LPAR4: variants seen among roughly 807,000 people sequenced by gnomAD.
The protein encoded by LPAR4 is G-protein coupled receptor 23.
In LPAR4, 14 loss-of-function variants were observed where a neutral mutation model predicts 9.2. That is an observed-to-expected ratio of 1.51 (90% CI 1.00 to 2.37). The LOEUF (loss-of-function observed/expected upper bound fraction) is 2.37, where lower values mean the gene tolerates loss of function less well. Ranked by LOEUF, LPAR4 falls within the 30% of genes most tolerant of loss-of-function variation. The pLI is 0.00. For missense variants in LPAR4, 251 were observed against 272.1 expected (o/e 0.92, Z 0.55); for synonymous variants, 131 against 97.9 (o/e 1.34, Z -1.99).
At chrX:78,752,079 T>C (rs1393646621) in intron 4 of LPAR4, among the ~76,000 whole-genome samples, 1 of 111,626 alleles carries the variant, frequency 9.0e-6, no homozygotes, top group East Asian at 2.8e-4. Flanking sequence ...ATCAGTTTCC[T>C]GTTTTCCTCA....
chrX:78,754,182 C>T (rs1333041903), intron 4 of LPAR4, among the ~76,000 whole-genome samples: 2 of 111,295 alleles, frequency 1.8e-5, no homozygotes, highest in South Asian at 3.7e-4. Flanking sequence ...TATGATTTGT[C>T]AGTTAAACAT....
chrX:78,751,357 T>A (rs1422672429), intron 4 of LPAR4, 46 bp downstream of exon 4: 1 of 111,462 alleles, frequency 9.0e-6, no homozygotes, highest in African/African-American at 3.3e-5. Context: ...AATAATAACC[T>A]GAAAATGTGT....
chrX:78,748,877 C>T (rs1440547865), intron 1 of LPAR4: 5 of 111,727 alleles, frequency 4.5e-5, no homozygotes, highest in Non-Finnish European at 3.8e-5. Context: ...TACCCAATGG[C>T]TTTGCAACAC....
At chrX:78,752,759 G>T (rs1925125032) in intron 4 of LPAR4, among the ~76,000 whole-genome samples, 2 of 111,355 alleles carry the variant, frequency 1.8e-5, no homozygotes, top group South Asian at 7.5e-4. Context: ...AGGGTACCGG[G>T]CATATTTATG....
intron 4 of LPAR4, 27 bp from the exon 5 acceptor site, chrX:78,754,764 T>C (rs762658276): frequency 5.7e-5 from 37 of 647,597 alleles, no homozygotes; most frequent in Non-Finnish European, 7.7e-5. Context: ...GCAAATTTGA[T>C]TATTTGTTCC....
chrX:78,751,026 G>A (rs1342063847), intron 3 of LPAR4, among the ~76,000 whole-genome samples, 184 bp from the exon 4 acceptor site: 2 of 111,575 alleles, frequency 1.8e-5, no homozygotes, highest in Non-Finnish European at 3.8e-5. Context: ...CTGTAATAAT[G>A]AAATCCAATG....
In LPAR4 at chrX:78,755,054, T is replaced by C. The variant is rs866444563; in HGVS notation, c.185T>C (p.Phe62Ser). Residue 62 changes from phenylalanine (F) to serine (S), a missense_variant, in exon 5 of 5, where the codon TTT becomes TCT. Coordinates refer to ENST00000614823, the MANE Select transcript of LPAR4 (RefSeq NM_001278000.3). ...CTGATAACCAACAGTGTCTCTCTGT[T>C]TGTCTTCTGTTTCCGCATGAAAATG... ...LGLITNSVSL[F>S]VFCFRMKMRS... is the part of the protein sequence containing the mutation. 1.5e-5 allele frequency: 18 copies of C among 1,206,771 alleles called. No individual in the cohort carries two copies. The African/African-American group carries it at 2.4e-4, about 16-fold the overall frequency.
chrX:78,754,786 CATA>C lies in LPAR4; in HGVS notation c.-79-4_-79-2del. ...TGATTATTTGTTCCATCTTGTCTCTCATAGGAGGAAAATATTTCCTACCGGTCC... is the reference window on the plus strand; with the variant it reads ...TGATTATTTGTTCCATCTTGTCTCTCGGAGGAAAATATTTCCTACCGGTCC... On this transcript the variant is annotated splice_acceptor_variant and splice_polypyrimidine_tract_variant and intron_variant, in intron 4 of 4. Coordinates refer to ENST00000614823, the MANE Select transcript of LPAR4 (RefSeq NM_001278000.3). LOFTEE classifies it low-confidence loss of function (5UTR_SPLICE). 2.4e-6 allele frequency: 2 copies of C among 834,306 alleles called. No homozygotes were observed. The highest frequency in any genetic ancestry group is 3.4e-6 in the Non-Finnish European group (2 of 596,859). The allele number at this position is 834,306 out of a possible 1,213,427, so 68.8% of individuals were successfully genotyped here. A position where few individuals can be genotyped will look rare whatever the true frequency, so the allele number is the denominator to read the frequency against.
chrX:78,753,560 T>A (rs1925161790), intron 4 of LPAR4, among the ~76,000 whole-genome samples: 1 of 111,927 alleles, frequency 8.9e-6, no homozygotes, highest in Non-Finnish European at 1.9e-5. Context: ...AACTTCAGTA[T>A]ACCAAAAAAG....
At chrX:78,750,102 A>C (rs1924990396) in intron 1 of LPAR4, 72 bp from the exon 2 acceptor site, 1 of 112,070 alleles carries the variant, frequency 8.9e-6, no homozygotes, top group Non-Finnish European at 1.9e-5. Context: ...AAAGGCATAA[A>C]ATAATGTTAA....
At position 78,755,639 on chromosome X, in the gene LPAR4, T is replaced by C; in HGVS notation, c.770T>C (p.Val257Ala). The change falls in exon 5 of 5, where the codon GTC (valine) becomes GCC (alanine). Residue 257 changes from valine to alanine, a missense_variant. Coordinates refer to ENST00000614823, the MANE Select transcript of LPAR4 (RefSeq NM_001278000.3). ...AAAATGATCACAGTACATATGGCAGTCTTTGTGGTATGCTTTGTACCCTAC... is the reference window on the plus strand; with the variant it reads ...AAAATGATCACAGTACATATGGCAGCCTTTGTGGTATGCTTTGTACCCTAC... ...VLKMITVHMAVFVVCFVPYNS... is the reference protein window; with the variant it reads ...VLKMITVHMAAFVVCFVPYNS... 8.3e-7 allele frequency: 1 copy of C among 1,209,445 alleles called. No homozygotes were observed. The highest frequency in any genetic ancestry group is 1.8e-5 in the South Asian group (1 of 56,892).
At chrX:78,751,625 G>A (rs1157066751) in intron 4 of LPAR4, among the ~76,000 whole-genome samples, 1 of 110,624 alleles carries the variant, frequency 9.0e-6, no homozygotes, top group Non-Finnish European at 1.9e-5. Flanking sequence ...ACATGAATTG[G>A]TGTCCAAATT....
Position 78,756,157 on chromosome X carries a change from C to G in LPAR4, c.*175C>G, listed in dbSNP as rs887366917. 76 of 432,109 alleles carry G rather than the reference C, an allele frequency of 1.8e-4. No individual in the cohort carries two copies. Among genetic ancestry groups the G allele is most frequent in the Non-Finnish European group, 2.6e-4 (64 of 250,078 alleles). 35.6% of individuals were successfully genotyped at this position (432,109 alleles called of 1,213,427 possible). ...GCTGTTTTGTTCAGTAATTATAGGT[C>G]AAATCTAATTACAACAACCAAGATG... is the stretch of plus-strand genomic sequence containing the variant. On this transcript the variant is annotated 3_prime_UTR_variant, in exon 5 of 5. Coordinates refer to ENST00000614823, the MANE Select transcript of LPAR4 (RefSeq NM_001278000.3).
chrX:78,751,959 C>T (rs5912638), intron 4 of LPAR4, among the ~76,000 whole-genome samples: 19,595 of 109,873 alleles, frequency 0.18, 1,453 homozygotes, highest in Middle Eastern at 0.31. Flanking sequence ...ACTGTGTTAT[C>T]AAGTGAAGTG....
Position 78,756,368 on chromosome X carries a change from T to C in LPAR4, c.*386T>C, listed in dbSNP as rs1168238720. 3 of 136,530 alleles carry C rather than the reference T, an allele frequency of 2.2e-5. No individual in the cohort carries two copies. The highest frequency in any genetic ancestry group is 8.7e-5 in the Admixed American group (1 of 11,505). 11.3% of individuals were successfully genotyped at this position (136,530 alleles called of 1,213,427 possible). A position where few individuals can be genotyped will look rare whatever the true frequency, so the allele number is the denominator to read the frequency against. Reference sequence around the variant, plus strand: ...TTCAGGGATTTTTAAAAAATTGTGTTACTACTGATATATGCTAGTTTTATT... The same window carrying C: ...TTCAGGGATTTTTAAAAAATTGTGTCACTACTGATATATGCTAGTTTTATT... On this transcript the variant is annotated 3_prime_UTR_variant, in exon 5 of 5. Transcript: ENST00000614823.
In LPAR4 at chrX:78,755,589, T is replaced by C; in HGVS notation, c.720T>C (p.Ile240=). ...GCAAGCCTGCTACTCTGTCTCAAAT[T>C]GGGACCAATAAGAAAAAAGTACTGA... ...TLRKPATLSQ[I]GTNKKKVLKM... Residue 240 remains isoleucine (I), a synonymous_variant, in exon 5 of 5, where the codon ATT becomes ATC. Coordinates refer to ENST00000614823, the MANE Select transcript of LPAR4 (RefSeq NM_001278000.3). 8.3e-7 allele frequency: 1 copy of C among 1,211,003 alleles called. No homozygotes were observed. Among genetic ancestry groups the C allele is most frequent in the Non-Finnish European group, 1.1e-6 (1 of 895,021 alleles).
chrX:78,751,953 T>C (rs1925080775), intron 4 of LPAR4, among the ~76,000 whole-genome samples: 2 of 111,071 alleles, frequency 1.8e-5, no homozygotes, highest in South Asian at 7.6e-4. Context: ...GATTGGACTG[T>C]GTTATCAAGT....
At position 78,755,144 on chromosome X, in the gene LPAR4, T is replaced by C. The variant is rs1443275733; in HGVS notation, c.275T>C (p.Leu92Pro). 8.3e-7 allele frequency: 1 copy of C among 1,209,306 alleles called. No homozygotes were observed. The highest frequency in any genetic ancestry group is 1.7e-5 in the African/African-American group (1 of 57,179). The change falls in exon 5 of 5, where the codon CTA (leucine) becomes CCA (proline). Residue 92 changes from leucine (L) to proline (P), a missense_variant. By Grantham distance (98) the Leu-to-Pro change is moderately conservative. Transcript: ENST00000614823. ...AVSDLLFVCTLPFKIFYNFNR... is the reference protein window; with the variant it reads ...AVSDLLFVCTPPFKIFYNFNR... Reference sequence around the variant, plus strand: ...TCTGATTTGCTTTTTGTCTGTACACTACCTTTTAAAATATTTTACAACTTC... The same window carrying C: ...TCTGATTTGCTTTTTGTCTGTACACCACCTTTTAAAATATTTTACAACTTC...
Position 78,755,235 on chromosome X carries a change from C to A in LPAR4, c.366C>A (p.Ile122=). 1 of 1,211,288 alleles carries A rather than the reference C, an allele frequency of 8.3e-7. No homozygotes were observed. The highest frequency in any genetic ancestry group is 1.1e-6 in the Non-Finnish European group (1 of 895,130). The change falls in exon 5 of 5, where the codon ATC becomes ATA. Residue 122 remains isoleucine (I), a synonymous_variant. Transcript: ENST00000614823. ...KISGTAFLTN[I]YGSMLFLTCI... Reference sequence around the variant, plus strand: ...CTGGAACTGCATTCCTTACCAACATCTATGGGAGCATGCTCTTTCTCACCT... The same window carrying A: ...CTGGAACTGCATTCCTTACCAACATATATGGGAGCATGCTCTTTCTCACCT...
Sources: allele counts gnomAD v4.1 joint callset (sites outside exome capture counted in the v4.1 genomes callset), GRCh38; gene constraint gnomAD v4.1.1; transcripts MANE v1.5; gene names NCBI Gene and HGNC (gene_info 2026-07-23, HGNC 2026-07-21).